Variants in RYR2 observed in about 807,000 individuals in gnomAD.
The protein encoded by RYR2 is cardiac muscle ryanodine receptor-calcium release channel.
RYR2 carries 227 observed loss-of-function variants against 601.1 expected under a neutral mutation model. The observed-to-expected ratio is 0.38, with a 90% CI of 0.34 to 0.42. The LOEUF is 0.42. RYR2 is among the 10% of genes least tolerant of loss of function. RYR2 has a pLI of 1.00. For synonymous variants in RYR2, 2,223 were observed against 2,175.1 expected, an observed-to-expected ratio of 1.02 and a Z score of -0.61; for missense variants, 4,646 against 6,156.5, an observed-to-expected ratio of 0.75 and a Z score of 8.21.
intron 84 of RYR2, among the ~76,000 whole-genome samples, chr1:237,770,364 C>T (rs1044581575): frequency 6.6e-6 from 1 of 152,154 alleles, no homozygotes; most frequent in Non-Finnish European, 1.5e-5. Flanking sequence ...AAACTCTTGG[C>T]CCCGCTTTTT....
At chr1:237,543,639 A>T (rs1572804323) in intron 25 of RYR2, among the ~76,000 whole-genome samples, 1 of 152,346 alleles carries the variant, frequency 6.6e-6, no homozygotes, top group East Asian at 1.9e-4. Context: ...CATCTTTCAC[A>T]ATATAATGAT....
At chr1:237,146,273 C>A (rs1446889962) in intron 1 of RYR2, among the ~76,000 whole-genome samples, 2 of 152,094 alleles carry the variant, frequency 1.3e-5, no homozygotes, top group East Asian at 3.8e-4. Context: ...TGTTTTAACC[C>A]CACATTTTTA....
In RYR2 at chr1:237,648,473, G is replaced by A; in HGVS notation, c.7372G>A (p.Ala2458Thr). 1 of 1,610,056 alleles carries A rather than the reference G, an allele frequency of 6.2e-7. No homozygotes were observed. Among genetic ancestry groups the A allele is most frequent in the Non-Finnish European group, 8.5e-7 (1 of 1,178,056 alleles). Reference protein sequence around the residue: ...DGNVVEPDMSAGFCPDHKAAM... With the variant: ...DGNVVEPDMSTGFCPDHKAAM... ...GAATGTGGTGGAACCTGACATGTCT[G>A]CGGGGTTTTGCCCAGATCACAAGGC... The change falls in exon 49 of 105, where the codon GCG (alanine) becomes ACG (threonine). Residue 2458 changes from alanine to threonine, a missense_variant. Ala to Thr is a moderately conservative substitution (Grantham distance 58). Around this residue, in one of 17 missense-constraint regions of RYR2, gnomAD observed 1,497 missense variants for 1,842.6 expected, o/e 0.81. Coordinates refer to ENST00000366574, the MANE Select transcript of RYR2 (RefSeq NM_001035.3).
chr1:237,119,684 C>G (rs1231880115), intron 1 of RYR2, among the ~76,000 whole-genome samples: 1 of 152,170 alleles, frequency 6.6e-6, no homozygotes, highest in Non-Finnish European at 1.5e-5. Flanking sequence ...AATATAAATG[C>G]AGAAGTCAGG....
chr1:237,782,465 G>A (rs535881058), intron 89 of RYR2, among the ~76,000 whole-genome samples: 5 of 152,180 alleles, frequency 3.3e-5, no homozygotes, highest in East Asian at 3.9e-4. Flanking sequence ...TTTTCTCTCC[G>A]TGTCTGCCAT....
At chr1:237,074,816 A>C (rs1418998860) in intron 1 of RYR2, among the ~76,000 whole-genome samples, 1 of 152,174 alleles carries the variant, frequency 6.6e-6, no homozygotes, top group East Asian at 1.9e-4. Context: ...GACTGGAACT[A>C]TTGTTATATT....
intron 24 of RYR2, among the ~76,000 whole-genome samples, chr1:237,518,268 TTAAAAATTGTA>T (rs1666756381): frequency 1.3e-5 from 2 of 152,200 alleles, no homozygotes; most frequent in African/African-American, 4.8e-5. Context: ...TTTTGCCTTT[TTAAAAATTGTA>T]CAAATTTACA....
intron 97 of RYR2, among the ~76,000 whole-genome samples, chr1:237,798,907 T>C (rs1456072620): frequency 6.6e-6 from 1 of 152,156 alleles, no homozygotes; most frequent in East Asian, 1.9e-4. Context: ...TAATTGCTTA[T>C]TGTAGTCACT....
intron 6 of RYR2, among the ~76,000 whole-genome samples, chr1:237,372,388 G>T (rs144238091): frequency 1.3e-5 from 2 of 152,260 alleles, no homozygotes; most frequent in African/African-American, 4.8e-5. Context: ...ATCAGTGTCA[G>T]ATCAATAGTG....
At chr1:237,510,225 C>T (rs976786142) in intron 23 of RYR2, among the ~76,000 whole-genome samples, 1 of 152,006 alleles carries the variant, frequency 6.6e-6, no homozygotes, top group Non-Finnish European at 1.5e-5. Flanking sequence ...GATAGAGAGA[C>T]GTGATTACAG....
rs531710442 is a variant in RYR2, at chr1:237,500,264, G to A, written c.2204-447G>A. ...CTCTGTTACTTGTAAAACATTAATCGTCAAAATAACTAAACAAGGTGATGG... is the reference window on the plus strand; with the variant it reads ...CTCTGTTACTTGTAAAACATTAATCATCAAAATAACTAAACAAGGTGATGG... On this transcript the variant is annotated intron_variant, in intron 20 of 104. Coordinates refer to ENST00000366574, the MANE Select transcript of RYR2 (RefSeq NM_001035.3). Among the ~76,000 whole-genome samples the A allele has an allele frequency of 1.2e-4, 18 of 152,206 alleles. No homozygotes were observed. In the South Asian group the frequency reaches 1.2e-3, roughly 11 times the overall value.
chr1:237,829,618 TCTC>T (rs1663548692), intron 102 of RYR2, among the ~76,000 whole-genome samples: 1 of 152,158 alleles, frequency 6.6e-6, no homozygotes, highest in African/African-American at 2.4e-5. Flanking sequence ...GATCGATTGT[TCTC>T]CCCAGTTGCT....
intron 3 of RYR2, among the ~76,000 whole-genome samples, chr1:237,349,546 G>A (rs764807093): frequency 5.3e-5 from 8 of 152,076 alleles, no homozygotes; most frequent in Non-Finnish European, 1.2e-4. Flanking sequence ...CAAAATAATC[G>A]TATTAATGCC....
At chr1:237,437,891 T>C (rs192261183) in intron 12 of RYR2, among the ~76,000 whole-genome samples, 2 of 152,344 alleles carry the variant, frequency 1.3e-5, no homozygotes, top group East Asian at 3.9e-4. Context: ...AAGATAATGC[T>C]AAGATTAGGA....
intron 28 of RYR2, among the ~76,000 whole-genome samples, chr1:237,567,605 A>T (rs1672225430): frequency 6.6e-6 from 1 of 152,064 alleles, no homozygotes; most frequent in Non-Finnish European, 1.5e-5. Context: ...AAACAAAAAA[A>T]TAATAATAAC....
At chr1:237,706,175 G>A (rs947557301) in intron 67 of RYR2, among the ~76,000 whole-genome samples, 1 of 152,130 alleles carries the variant, frequency 6.6e-6, no homozygotes, top group Non-Finnish European at 1.5e-5. Context: ...CTTGAACTGG[G>A]GAGGCAGAGT....
intron 16 of RYR2, among the ~76,000 whole-genome samples, chr1:237,457,886 T>C (rs1283887243): frequency 1.3e-5 from 2 of 152,230 alleles, no homozygotes; most frequent in Non-Finnish European, 2.9e-5. Flanking sequence ...CTTCCCTGTT[T>C]AGACATTGTT....
chr1:237,633,746 A>T, intron 43 of RYR2, 36 bp downstream of exon 43: 1 of 1,572,088 alleles, frequency 6.4e-7, no homozygotes, highest in Non-Finnish European at 8.7e-7. Flanking sequence ...TTTAAGGTTG[A>T]AATAATATAA....
At chr1:237,619,360 G>A (rs1678825567) in intron 38 of RYR2, among the ~76,000 whole-genome samples, 3 of 152,178 alleles carry the variant, frequency 2.0e-5, no homozygotes, top group South Asian at 4.1e-4. Context: ...TTTTAAATCT[G>A]AAAAATATAA....
Sources: gnomAD v4.1 joint callset for allele counts (sites outside exome capture counted in the v4.1 genomes callset) on GRCh38, gnomAD v4.1.1 for gene constraint, gnomAD v4.1.1 regional missense constraint, MANE v1.5 for transcripts, NCBI Gene and HGNC (gene_info 2026-07-23, HGNC 2026-07-21) for gene names.